The following MYO1B variants were observed in gnomAD, a reference collection of about 807,000 sequenced individuals.
The protein encoded by MYO1B is unconventional myosin-Ib.
A neutral mutation model predicts 159.7 loss-of-function variants in MYO1B; 72 were observed. The observed-to-expected ratio is 0.45, with a 90% CI of 0.37 to 0.55. The LOEUF (loss-of-function observed/expected upper bound fraction) is 0.55. Among genes scored for constraint, MYO1B ranks in the 20% least tolerant of loss-of-function variants. The pLI is 0.00. For synonymous variants in MYO1B, 468 were observed against 473.8 expected, an observed-to-expected ratio of 0.99 and a Z score of 0.16; for missense variants, 1,062 against 1,364.8, an observed-to-expected ratio of 0.78 and a Z score of 3.50.
intron 4 of MYO1B, among the ~76,000 whole-genome samples, chr2:191,338,177 G>T (rs1349661506): frequency 2.6e-5 from 4 of 151,822 alleles, no homozygotes; most frequent in Non-Finnish European, 1.5e-5. Flanking sequence ...CTTTTAAATA[G>T]TGTGATTTTT....
intron 29 of MYO1B, 145 bp downstream of exon 29, chr2:191,414,814 A>T: frequency 1.3e-6 from 1 of 756,796 alleles, no homozygotes; most frequent in South Asian, 3.4e-5. Flanking sequence ...AAAATCTCCG[A>T]CTCAGTTTTT....
intron 3 of MYO1B, among the ~76,000 whole-genome samples, chr2:191,304,469 C>T (rs1689523681): frequency 1.3e-5 from 2 of 152,126 alleles, no homozygotes; most frequent in African/African-American, 2.4e-5. Flanking sequence ...ACTCGGGGGG[C>T]TGAGGCAGGA....
At chr2:191,275,042 G>A (rs901301561) in intron 1 of MYO1B, among the ~76,000 whole-genome samples, 1 of 152,070 alleles carries the variant, frequency 6.6e-6, no homozygotes, top group Non-Finnish European at 1.5e-5. Context: ...GAGTAGCTGG[G>A]ATTACAGGCA....
In MYO1B at chr2:191,369,547, T is replaced by C. The variant is rs1172436901; in HGVS notation, c.1038T>C (p.Tyr346=). The C allele has an allele frequency of 1.9e-6, 3 of 1,612,988 alleles. No individual in the cohort carries two copies. The highest frequency in any genetic ancestry group is 2.2e-5 in the East Asian group (1 of 44,814). ...VSTTLNVAQA[Y]YARDALAKNL... ...GTTTGTTTGTTTTTTAATAGGCTTA[T>C]TATGCCCGTGATGCTCTGGCTAAAA... The change falls in exon 12 of 31, where the codon TAT becomes TAC. Residue 346 remains tyrosine (Y), a synonymous_variant. Transcript: ENST00000392318.
chr2:191,303,986 G>A (rs1000502600), intron 3 of MYO1B, among the ~76,000 whole-genome samples: 1 of 152,190 alleles, frequency 6.6e-6, no homozygotes, highest in Non-Finnish European at 1.5e-5. Context: ...AAAATAAGCA[G>A]AAGGCAGGCA....
intron 19 of MYO1B, 67 bp downstream of exon 19, chr2:191,392,268 G>A: frequency 1.6e-6 from 2 of 1,214,398 alleles, no homozygotes; most frequent in Admixed American, 3.8e-5. Context: ...CTTAAAATAT[G>A]TTTAACTTTA....
chr2:191,387,668 A>G, intron 17 of MYO1B: 1 of 587,398 alleles, frequency 1.7e-6, no homozygotes, highest in Non-Finnish European at 3.0e-6. Context: ...TGGAGAAGAT[A>G]GTAGATATTT....
intron 3 of MYO1B, among the ~76,000 whole-genome samples, chr2:191,314,053 A>T (rs1690194511): frequency 6.6e-6 from 1 of 152,242 alleles, no homozygotes; most frequent in Non-Finnish European, 1.5e-5. Context: ...TAACTTGTGG[A>T]TACCATGTAA....
chr2:191,253,101 G>T (rs1289382638), intron 1 of MYO1B, among the ~76,000 whole-genome samples: 1 of 152,108 alleles, frequency 6.6e-6, no homozygotes, highest in Non-Finnish European at 1.5e-5. Flanking sequence ...TACCCATAAA[G>T]TTGGTAAATG....
chr2:191,409,575 C>T (rs181764481), intron 26 of MYO1B, among the ~76,000 whole-genome samples: 1 of 152,290 alleles, frequency 6.6e-6, no homozygotes, highest in Admixed American at 6.5e-5. Flanking sequence ...GAAGAGTTTA[C>T]TTTATCAGAT....
chr2:191,364,309 CT>C (rs1559203687), intron 11 of MYO1B, 33 bp downstream of exon 11: 1 of 1,519,602 alleles, frequency 6.6e-7, no homozygotes, highest in Non-Finnish European at 9.1e-7. Context: ...ACGAAAGTTT[CT>C]TAAAAGTCTG....
At chr2:191,348,588 C>CA (rs1212484887) in intron 6 of MYO1B, among the ~76,000 whole-genome samples, 5 of 150,786 alleles carry the variant, frequency 3.3e-5, no homozygotes, top group African/African-American at 4.9e-5. Context: ...CATGACTGGA[C>CA]TTTTTTTTTT....
chr2:191,279,547 G>A (rs1021115134), intron 2 of MYO1B, among the ~76,000 whole-genome samples: 1 of 152,006 alleles, frequency 6.6e-6, no homozygotes, highest in Admixed American at 6.6e-5. Flanking sequence ...TGATAAATTT[G>A]ATTACCACAC....
chr2:191,256,660 TA>T (rs1406486205), intron 1 of MYO1B, among the ~76,000 whole-genome samples: 1 of 152,228 alleles, frequency 6.6e-6, no homozygotes, highest in East Asian at 1.9e-4. Context: ...CTCTATTTTC[TA>T]AATCTTCTAT....
chr2:191,260,518 T>C (rs1686748805), intron 1 of MYO1B, among the ~76,000 whole-genome samples: 1 of 152,012 alleles, frequency 6.6e-6, no homozygotes, highest in African/African-American at 2.4e-5. Flanking sequence ...AAAGAACATA[T>C]TTTTTTTGAA....
At position 191,414,126 on chromosome 2, in the gene MYO1B, A is replaced by G. The variant is rs1250013828; in HGVS notation, c.2952A>G (p.Glu984=). The change falls in exon 28 of 31, where the codon GAA becomes GAG. Residue 984 remains glutamate, a synonymous_variant. Transcript: ENST00000392318. ...ATAAGAAACTCAAAGATGCCATTGA[A>G]GAAAAGATCATCATTGCTGAAGTCG... ...PKYKKLKDAI[E]EKIIIAEVVN... The G allele has an allele frequency of 3.7e-6, 6 of 1,613,398 alleles. No individual in the cohort carries two copies. The highest frequency in any genetic ancestry group is 4.2e-6 in the Non-Finnish European group (5 of 1,179,698).
chr2:191,379,073 A>T, intron 13 of MYO1B, among the ~76,000 whole-genome samples: 1 of 152,196 alleles, frequency 6.6e-6, no homozygotes, highest in East Asian at 1.9e-4. Context: ...ACAGGAAGGT[A>T]TTGTGGTCCT....
chr2:191,288,534 TA>T (rs1312195903), intron 2 of MYO1B, among the ~76,000 whole-genome samples: 2 of 152,198 alleles, frequency 1.3e-5, no homozygotes, highest in African/African-American at 4.8e-5. Context: ...CTAGAGAAGT[TA>T]ACTCTTAAAT....
At position 191,396,480 on chromosome 2, in the gene MYO1B, T is replaced by G. The variant is rs779630086; in HGVS notation, c.2278T>G (p.Tyr760Asp). The part of the protein sequence containing the change: ...TKSSALVIQS[Y>D]IRGWKARKIL... ...GAGTTCCGCCTTAGTAATTCAGTCT[T>G]ATATCCGGGGTTGGAAGGTGAGTTT... Residue 760 changes from tyrosine (Y) to aspartate (D), a missense_variant, in exon 21 of 31, where the codon TAT becomes GAT. Physicochemically the swap from Tyr to Asp is radical, Grantham distance 160. This residue lies in a region of MYO1B where 609 missense variants were observed against 744.4 expected (regional missense o/e 0.82). Transcript: ENST00000392318. The G allele has an allele frequency of 6.2e-7, 1 of 1,614,194 alleles. No homozygotes were observed. Among genetic ancestry groups the G allele is most frequent in the African/African-American group, 1.3e-5 (1 of 75,048 alleles).
Sources: allele counts gnomAD v4.1 joint callset (sites outside exome capture counted in the v4.1 genomes callset), GRCh38; gene constraint gnomAD v4.1.1; regional missense constraint gnomAD v4.1.1; transcripts MANE v1.5; gene names NCBI Gene and HGNC (gene_info 2026-07-23, HGNC 2026-07-21).